The following DSCAM variants were observed in gnomAD, a reference collection of about 807,000 sequenced individuals.
The protein encoded by DSCAM is cell adhesion molecule DSCAM.
A neutral mutation model predicts 217.7 loss-of-function variants in DSCAM; 47 were observed. That is an observed-to-expected ratio of 0.22 (90% confidence interval 0.17 to 0.28). The LOEUF is 0.28. DSCAM is among the 10% of genes least tolerant of loss of function. The pLI is 1.00. For missense variants in DSCAM, 2,080 were observed against 2,618.3 expected (o/e 0.79, Z 4.49); for synonymous variants, 1,056 against 1,015.3 (o/e 1.04, Z -0.76).
intron 3 of DSCAM, among the ~76,000 whole-genome samples, chr21:40,377,940 A>G (rs1407277584): frequency 2.0e-5 from 3 of 152,212 alleles, no homozygotes; most frequent in African/African-American, 7.2e-5. Flanking sequence ...ATATTAAATA[A>G]GAACATCCAT....
intron 3 of DSCAM, among the ~76,000 whole-genome samples, chr21:40,498,632 A>G (rs7410164): frequency 0.019 from 2,152 of 112,824 alleles, 89 homozygotes; most frequent in African/African-American, 0.062. Context: ...TGCACTATGT[A>G]TATATATATA....
At chr21:40,646,024 G>A in intron 3 of DSCAM, among the ~76,000 whole-genome samples, 1 of 152,078 alleles carries the variant, frequency 6.6e-6, no homozygotes, top group East Asian at 1.9e-4. Flanking sequence ...CGGTGGAGGA[G>A]ATAAAGTACC....
chr21:40,526,132 T>A (rs532419250), intron 3 of DSCAM, among the ~76,000 whole-genome samples: 10 of 152,178 alleles, frequency 6.6e-5, no homozygotes, highest in Non-Finnish European at 1.2e-4. Context: ...TTGTCTAGGA[T>A]CTTGCTTCTC....
At chr21:40,250,933 A>G (rs942596414) in intron 11 of DSCAM, among the ~76,000 whole-genome samples, 5 of 152,268 alleles carry the variant, frequency 3.3e-5, no homozygotes, top group Non-Finnish European at 1.5e-5. Flanking sequence ...CCTGCTTATC[A>G]GACCAGTTCT....
intron 3 of DSCAM, among the ~76,000 whole-genome samples, chr21:40,630,286 A>G (rs2089671524): frequency 6.6e-6 from 1 of 152,218 alleles, no homozygotes; most frequent in African/African-American, 2.4e-5. Context: ...CCGAATTTGC[A>G]AACATTTTTG....
chr21:40,659,351 G>A (rs1401245815), intron 3 of DSCAM, among the ~76,000 whole-genome samples: 1 of 118,112 alleles, frequency 8.5e-6, no homozygotes, highest in Non-Finnish European at 1.8e-5. Context: ...GTGATCAGAT[G>A]AGTATCTATC....
chr21:40,569,628 G>A (rs373754907), intron 3 of DSCAM, among the ~76,000 whole-genome samples: 9 of 152,090 alleles, frequency 5.9e-5, no homozygotes, highest in African/African-American at 1.7e-4. Flanking sequence ...CACTTCAAGC[G>A]CTTCCTCTTC....
At chr21:40,397,510 T>C (rs1261256929) in intron 3 of DSCAM, among the ~76,000 whole-genome samples, 1 of 152,156 alleles carries the variant, frequency 6.6e-6, no homozygotes, top group Non-Finnish European at 1.5e-5. Flanking sequence ...AATGCCATGC[T>C]TCCCGTACAG....
chr21:40,615,041 C>T (rs2089370548), intron 3 of DSCAM, among the ~76,000 whole-genome samples: 1 of 151,712 alleles, frequency 6.6e-6, no homozygotes, highest in African/African-American at 2.4e-5. Flanking sequence ...TAGTGGCTCA[C>T]GCCTGTAATC....
chr21:40,135,321 T>G (rs75076957), intron 18 of DSCAM, among the ~76,000 whole-genome samples: 10,724 of 152,216 alleles, frequency 0.07, 451 homozygotes, highest in East Asian at 0.11. Flanking sequence ...ATATAGGGAG[T>G]GGATGTGATA....
intron 11 of DSCAM, among the ~76,000 whole-genome samples, chr21:40,245,609 G>A (rs535749568): frequency 6.0e-4 from 91 of 152,304 alleles, no homozygotes; most frequent in Non-Finnish European, 9.8e-4. Context: ...CCCTTTCAGG[G>A]TTGGTGCTGG....
chr21:40,286,507 C>A (rs886895941), intron 10 of DSCAM, among the ~76,000 whole-genome samples: 1 of 152,230 alleles, frequency 6.6e-6, no homozygotes, highest in South Asian at 2.1e-4. Context: ...ATCATCCCAA[C>A]TGGGCCCTAT....
intron 3 of DSCAM, among the ~76,000 whole-genome samples, chr21:40,647,659 ATTAT>A (rs2089963860): frequency 6.6e-6 from 1 of 152,248 alleles, no homozygotes; most frequent in Non-Finnish European, 1.5e-5. Flanking sequence ...AAAACTATAT[ATTAT>A]TTGAGAAATT....
At chr21:40,160,933 T>C (rs2090534227) in intron 16 of DSCAM, among the ~76,000 whole-genome samples, 1 of 152,234 alleles carries the variant, frequency 6.6e-6, no homozygotes, top group Non-Finnish European at 1.5e-5. Flanking sequence ...CCAAGTTCAA[T>C]TTGTGTCCTG....
intron 9 of DSCAM, among the ~76,000 whole-genome samples, chr21:40,307,257 C>T (rs1302109348): frequency 6.6e-6 from 1 of 151,646 alleles, no homozygotes; most frequent in African/African-American, 2.4e-5. Context: ...ACAACCCCAT[C>T]AAAAAGTAGG....
At chr21:40,619,650 C>T (rs575468929) in intron 3 of DSCAM, among the ~76,000 whole-genome samples, 1 of 152,094 alleles carries the variant, frequency 6.6e-6, no homozygotes, top group Admixed American at 6.5e-5. Flanking sequence ...TAAGGTACTA[C>T]AAAATAATCT....
chr21:40,617,763 G>C (rs2089423956), intron 3 of DSCAM, among the ~76,000 whole-genome samples: 1 of 152,154 alleles, frequency 6.6e-6, no homozygotes, highest in Admixed American at 6.5e-5. Context: ...CTCAGTTGAG[G>C]AGCACTGACT....
rs571663644 is a variant in DSCAM, at chr21:40,452,731, T to C, written c.509-83486A>G. Among the ~76,000 whole-genome samples, 50 of 152,136 alleles carry C rather than the reference T, an allele frequency of 3.3e-4. No homozygotes were observed. In the South Asian group the frequency reaches 1.0e-2, roughly 30 times the overall value. On this transcript the variant is annotated intron_variant, in intron 3 of 32. Transcript: ENST00000400454. The stretch of plus-strand genomic sequence containing the variant: ...CAAAATGTTAGGATTTAGTTGCTTT[T>C]TTTTTAGTGCATGATGCAAACCATT...
intron 9 of DSCAM, among the ~76,000 whole-genome samples, chr21:40,311,727 AC>A (rs2074139576): frequency 6.6e-6 from 1 of 152,190 alleles, no homozygotes. Flanking sequence ...AATAAGAAAT[AC>A]TAAAAATATT....
Sources: allele counts gnomAD v4.1 joint callset (sites outside exome capture counted in the v4.1 genomes callset), GRCh38; gene constraint gnomAD v4.1.1; transcripts MANE v1.5; gene names NCBI Gene and HGNC (gene_info 2026-07-23, HGNC 2026-07-21).